Variants in SEC31A observed in about 807,000 individuals in gnomAD.
SEC31A encodes protein transport protein Sec31A.
In SEC31A, 70 loss-of-function variants were observed where a neutral mutation model predicts 151.0. The ratio of observed to expected loss-of-function variants is 0.46; its 90% CI spans 0.38 to 0.57. SEC31A has a LOEUF of 0.57. Among genes scored for constraint, SEC31A ranks in the 20% least tolerant of loss-of-function variants. SEC31A has a pLI of 0.00. For missense variants in SEC31A, 1,330 were observed against 1,471.2 expected (o/e 0.90, Z 1.57); for synonymous variants, 475 against 505.9 (o/e 0.94, Z 0.82).
chr4:82,875,872 T>C (rs997664086), intron 4 of SEC31A, 50 bp from the exon 5 acceptor site: 14 of 1,017,040 alleles, frequency 1.4e-5, no homozygotes, highest in Non-Finnish European at 1.8e-5. Context: ...ATTAAGAAAA[T>C]TCAGAATAAC....
At chr4:82,899,859 T>C (rs1720235503) in intron 2 of SEC31A, 6 of 152,670 alleles carry the variant, frequency 3.9e-5, no homozygotes, top group Admixed American at 3.9e-4. Context: ...GTTTTCTGTA[T>C]GCTAAGGATC....
At position 82,853,548 on chromosome 4, in the gene SEC31A, C is replaced by T. The variant is rs368312694; in HGVS notation, c.2154+22G>A. 1.4e-5 allele frequency: 22 copies of T among 1,536,362 alleles called. No individual in the cohort carries two copies. The African/African-American group carries it at 3.1e-4, about 22-fold the overall frequency. On this transcript the variant is annotated intron_variant, in intron 18 of 26. Coordinates refer to ENST00000395310, the MANE Select transcript of SEC31A (RefSeq NM_001077207.4). ...GAAAGACAACACTAAAAATTAAGTG[C>T]CTTTTGTTTCAAAGATACTACCTGA...
chr4:82,867,340 C>T (rs1653406244), intron 8 of SEC31A, 24 bp from the exon 9 acceptor site: 2 of 1,608,634 alleles, frequency 1.2e-6, no homozygotes, highest in Non-Finnish European at 1.7e-6. Flanking sequence ...AAACAAACAA[C>T]AAAACTCAGA....
chr4:82,869,526 T>G (rs1736193309), intron 8 of SEC31A, among the ~76,000 whole-genome samples: 1 of 152,144 alleles, frequency 6.6e-6, no homozygotes, highest in Admixed American at 6.5e-5. Flanking sequence ...TTCATCTAAT[T>G]AAATTATATT....
intron 3 of SEC31A, 102 bp from the exon 4 acceptor site, chr4:82,879,030 C>T (rs7698729): frequency 0.21 from 170,607 of 794,596 alleles, 19,354 homozygotes; most frequent in South Asian, 0.33. Context: ...CATAAACAAT[C>T]CAAATATATT....
chr4:82,881,492 A>G (rs1739309317), intron 2 of SEC31A, among the ~76,000 whole-genome samples: 1 of 152,106 alleles, frequency 6.6e-6, no homozygotes, highest in Non-Finnish European at 1.5e-5. Flanking sequence ...GTGATTTACT[A>G]TATCTGCTTA....
At chr4:82,843,398 C>T (rs146126308) in intron 21 of SEC31A, among the ~76,000 whole-genome samples, 93 of 152,274 alleles carry the variant, frequency 6.1e-4, no homozygotes, top group African/African-American at 2.1e-3. Flanking sequence ...TTCAGCCTCC[C>T]AAAGTGCTGG....
rs1404990155 is a variant in SEC31A at position 82,844,395 on chromosome 4, G to T, written c.2617C>A (p.Gln873Lys). 6.2e-7 allele frequency: 1 copy of T among 1,613,960 alleles called. No homozygotes were observed. The highest frequency in any genetic ancestry group is 1.1e-5 in the South Asian group (1 of 91,062). Residue 873 changes from glutamine to lysine, a missense_variant, in exon 21 of 27, where the codon CAG (glutamine) becomes AAG (lysine). Transcript: ENST00000395310. ...GGGTCACACTACTTACGCTGTGGCT[G>T]TGGATAAGGTGGTACCTGGGTGTGC... is the stretch of plus-strand genomic sequence containing the variant. ...HMHTQVPPYP[Q>K]PQPYQPAQPY...
chr4:82,872,241 G>A (rs1239677858), intron 6 of SEC31A, among the ~76,000 whole-genome samples, 155 bp from the exon 7 acceptor site: 5 of 152,198 alleles, frequency 3.3e-5, no homozygotes, highest in African/African-American at 1.2e-4. Flanking sequence ...AGGCTGGAGT[G>A]CAGTAGCGCC....
intron 9 of SEC31A, 46 bp from the exon 10 acceptor site, chr4:82,867,006 T>C: frequency 6.3e-7 from 1 of 1,585,144 alleles, no homozygotes; most frequent in Non-Finnish European, 8.6e-7. Flanking sequence ...TACACAAAGT[T>C]TCATTTTTTT....
chr4:82,877,314 G>A (rs913178321), intron 4 of SEC31A, among the ~76,000 whole-genome samples: 3 of 151,418 alleles, frequency 2.0e-5, no homozygotes, highest in Admixed American at 1.3e-4. Context: ...TATAAGAAAA[G>A]GAACTATTTA....
intron 24 of SEC31A, 116 bp downstream of exon 24, chr4:82,827,253 G>A (rs976408266): frequency 4.2e-6 from 5 of 1,190,186 alleles, no homozygotes; most frequent in Admixed American, 2.3e-5. Context: ...ACTATTTTTT[G>A]TTTAGGTTGT....
At position 82,867,310 on chromosome 4, in the gene SEC31A, A is replaced by G. The variant is rs757368716; in HGVS notation, c.889T>C (p.Tyr297His). The G allele has an allele frequency of 9.9e-6, 16 of 1,614,048 alleles. No homozygotes were observed. The highest frequency in any genetic ancestry group is 1.3e-5 in the Non-Finnish European group (15 of 1,179,970). Residue 297 changes from tyrosine (Y) to histidine (H), a missense_variant, in exon 9 of 27, where the codon TAT (tyrosine) becomes CAT (histidine). Tyr to His is a moderately conservative substitution (Grantham distance 83, BLOSUM62 2). Transcript: ENST00000395310. Reference sequence around the variant, plus strand: ...CACTGTGTGTTGGTGGGAAGTTCATATAACACCTAGGCCAACAAAAAACAA... The same window carrying G: ...CACTGTGTGTTGGTGGGAAGTTCATGTAACACCTAGGCCAACAAAAAACAA... ...CSNPNTGEVL[Y>H]ELPTNTQWCF...
At chr4:82,832,809 C>T (rs965164625) in intron 22 of SEC31A, among the ~76,000 whole-genome samples, 2 of 152,206 alleles carry the variant, frequency 1.3e-5, no homozygotes, top group Admixed American at 1.3e-4. Flanking sequence ...AAAAAATGCT[C>T]ATCATCACTG....
At position 82,888,397 on chromosome 4, in the gene SEC31A, T is replaced by C. The variant is rs11930538; in HGVS notation, c.-5+2691A>G. Among the ~76,000 whole-genome samples the C allele has an allele frequency of 8.6e-3, 437 of 50,750 alleles. 44 individuals are homozygous for C. The highest frequency in any genetic ancestry group is 0.018 in the Admixed American group (59 of 3,324). 33.3% of individuals were successfully genotyped at this position (50,750 alleles called of 152,430 possible). On this transcript the variant is annotated intron_variant, in intron 1 of 26. Transcript: ENST00000395310. ...AACACACAAAAAACATATATATATATACACACAGACACGGCCAGGCGCAGT... is the reference window on the plus strand; with the variant it reads ...AACACACAAAAAACATATATATATACACACACAGACACGGCCAGGCGCAGT...
Position 82,827,533 on chromosome 4 carries a change from G to A in SEC31A, c.3127C>T (p.Pro1043Ser). The part of the protein sequence containing the change: ...SQMLQQQPSA[P>S]VPLSSQSSFP... Reference sequence around the variant, plus strand: ...GAAGACTGGCTTGACAGTGGTACTGGAGCTGAAGGCTGTTGCTGCAGCATT... The same window carrying A: ...GAAGACTGGCTTGACAGTGGTACTGAAGCTGAAGGCTGTTGCTGCAGCATT... The change falls in exon 24 of 27, where the codon CCA (proline) becomes TCA (serine). Residue 1043 changes from proline to serine, a missense_variant. Coordinates refer to ENST00000395310, the MANE Select transcript of SEC31A (RefSeq NM_001077207.4). The A allele has an allele frequency of 6.2e-7, 1 of 1,614,226 alleles. No individual in the cohort carries two copies. Among genetic ancestry groups the A allele is most frequent in the Non-Finnish European group, 8.5e-7 (1 of 1,180,034 alleles).
intron 1 of SEC31A, 96 bp from the exon 2 acceptor site, chr4:82,882,036 C>G: frequency 2.2e-6 from 2 of 909,524 alleles, no homozygotes; most frequent in Non-Finnish European, 3.6e-6. Flanking sequence ...GAACAAACCA[C>G]TACAACATTA....
intron 4 of SEC31A, among the ~76,000 whole-genome samples, chr4:82,876,385 C>T (rs1010205407): frequency 3.3e-5 from 5 of 152,212 alleles, no homozygotes; most frequent in East Asian, 3.8e-4. Context: ...GCTGGGATTA[C>T]AGGCGTGAGC....
At chr4:82,830,320 T>C (rs1725642378) in intron 22 of SEC31A, among the ~76,000 whole-genome samples, 1 of 151,950 alleles carries the variant, frequency 6.6e-6, no homozygotes, top group Admixed American at 6.6e-5. Flanking sequence ...AATTAGCTGC[T>C]TGTGGTGGTG....
Sources: gnomAD v4.1 joint callset for allele counts (sites outside exome capture counted in the v4.1 genomes callset) on GRCh38, gnomAD v4.1.1 for gene constraint, MANE v1.5 for transcripts, NCBI Gene and HGNC (gene_info 2026-07-23, HGNC 2026-07-21) for gene names.